Variants in FBXL7 observed in about 807,000 individuals in gnomAD.
The protein encoded by FBXL7 is F-box/LRR-repeat protein 7.
FBXL7 carries 12 observed loss-of-function variants against 38.3 expected under a neutral mutation model. The ratio of observed to expected loss-of-function variants is 0.31; its 90% confidence interval spans 0.20 to 0.51. The LOEUF is 0.51. FBXL7 is among the 20% of genes least tolerant of loss of function. FBXL7 has a pLI of 0.98. For missense variants in FBXL7, 567 were observed against 676.4 expected, an observed-to-expected ratio of 0.84 and a Z score of 1.79; for synonymous variants, 297 against 300.9, an observed-to-expected ratio of 0.99 and a Z score of 0.13.
chr5:15,789,600 T>G (rs983418680), intron 2 of FBXL7, among the ~76,000 whole-genome samples: 1 of 152,196 alleles, frequency 6.6e-6, no homozygotes, highest in South Asian at 2.1e-4. Flanking sequence ...GACTCTACCT[T>G]GAGATCACAG....
intron 2 of FBXL7, among the ~76,000 whole-genome samples, chr5:15,720,996 T>C (rs967886486): frequency 8.5e-5 from 13 of 152,154 alleles, no homozygotes; most frequent in African/African-American, 3.1e-4. Flanking sequence ...CTCTGCACAA[T>C]AGTGATGTTT....
chr5:15,514,696 T>C (rs952069742), intron 1 of FBXL7, among the ~76,000 whole-genome samples: 1 of 152,210 alleles, frequency 6.6e-6, no homozygotes, highest in African/African-American at 2.4e-5. Flanking sequence ...ATAGAGTGGC[T>C]GCCCTACTCG....
At chr5:15,897,330 A>G in intron 2 of FBXL7, among the ~76,000 whole-genome samples, 1 of 152,226 alleles carries the variant, frequency 6.6e-6, no homozygotes, top group East Asian at 1.9e-4. Flanking sequence ...CATTTATTCA[A>G]CAAATACTTA....
At chr5:15,871,395 C>T (rs1221986797) in intron 2 of FBXL7, among the ~76,000 whole-genome samples, 1 of 152,030 alleles carries the variant, frequency 6.6e-6, no homozygotes, top group East Asian at 1.9e-4. Flanking sequence ...GCCTCTTCTC[C>T]TCCAAAAGAT....
chr5:15,535,149 A>G (rs1737543621), intron 1 of FBXL7, among the ~76,000 whole-genome samples: 1 of 152,222 alleles, frequency 6.6e-6, no homozygotes, highest in African/African-American at 2.4e-5. Flanking sequence ...CTCCCAAGGC[A>G]TGCAGAACTG....
intron 2 of FBXL7, among the ~76,000 whole-genome samples, chr5:15,764,799 ATT>A (rs1451116353): frequency 6.6e-6 from 1 of 152,252 alleles, no homozygotes. Context: ...TGCTGGGCAT[ATT>A]GTAAATTATC....
chr5:15,580,593 T>C, intron 1 of FBXL7: 1 of 983,422 alleles, frequency 1.0e-6, no homozygotes. Flanking sequence ...CTTGCACTAT[T>C]TGACTCCTTT....
chr5:15,847,459 G>A (rs1028525117), intron 2 of FBXL7, among the ~76,000 whole-genome samples: 2 of 152,110 alleles, frequency 1.3e-5, no homozygotes, highest in African/African-American at 4.8e-5. Context: ...GACACGTGGG[G>A]ATTATGGGAA....
rs112429925 is a variant in FBXL7, at chr5:15,516,870, T to C, written c.37+16157T>C. Among the ~76,000 whole-genome samples the C allele has an allele frequency of 1.5e-3, 231 of 152,298 alleles. 1 individual carries two copies. The highest frequency in any genetic ancestry group is 5.5e-3 in the African/African-American group (227 of 41,564). On this transcript the variant is annotated intron_variant, in intron 1 of 3. Transcript: ENST00000504595. Reference sequence around the variant, plus strand: ...TTTGCTTCCCCTTCTGCCGTGATTGTGCGTTTCCTGAGGCCTCCCCAGCTA... The same window carrying C: ...TTTGCTTCCCCTTCTGCCGTGATTGCGCGTTTCCTGAGGCCTCCCCAGCTA...
At chr5:15,510,769 C>A (rs1047796364) in intron 1 of FBXL7, among the ~76,000 whole-genome samples, 4 of 152,184 alleles carry the variant, frequency 2.6e-5, no homozygotes, top group African/African-American at 9.7e-5. Flanking sequence ...CATTTTCAAT[C>A]ATTTTAATAA....
chr5:15,555,587 A>C (rs1370434156), intron 1 of FBXL7, among the ~76,000 whole-genome samples: 1 of 151,750 alleles, frequency 6.6e-6, no homozygotes, highest in Non-Finnish European at 1.5e-5. Flanking sequence ...CTGTCACACA[A>C]TTGTGTTCAG....
chr5:15,889,054 AT>A (rs1219671600), intron 2 of FBXL7, among the ~76,000 whole-genome samples: 1 of 152,116 alleles, frequency 6.6e-6, no homozygotes, highest in East Asian at 1.9e-4. Context: ...CACATCATAA[AT>A]AGTCAAGGAA....
At chr5:15,564,959 A>G (rs1170901805) in intron 1 of FBXL7, among the ~76,000 whole-genome samples, 2 of 152,256 alleles carry the variant, frequency 1.3e-5, no homozygotes, top group South Asian at 2.1e-4. Flanking sequence ...AAATGCTACA[A>G]TGTATTTGTG....
intron 2 of FBXL7, among the ~76,000 whole-genome samples, chr5:15,827,135 G>T (rs1738336215): frequency 6.6e-6 from 1 of 152,060 alleles, no homozygotes; most frequent in South Asian, 2.1e-4. Flanking sequence ...ATTTGGAGAT[G>T]CATCACCCTG....
At chr5:15,825,390 A>G (rs905872524) in intron 2 of FBXL7, among the ~76,000 whole-genome samples, 5 of 152,188 alleles carry the variant, frequency 3.3e-5, no homozygotes, top group African/African-American at 4.8e-5. Context: ...AGAAAAAAAA[A>G]ACTTTATATG....
At chr5:15,739,293 G>A (rs565032135) in intron 2 of FBXL7, among the ~76,000 whole-genome samples, 59 of 146,956 alleles carry the variant, frequency 4.0e-4, no homozygotes, top group African/African-American at 1.4e-3. Context: ...TGCCCTTCAC[G>A]TTCCACCCAC....
In FBXL7 at chr5:15,714,781, A is replaced by G. The variant is rs552235659; in HGVS notation, c.127+98709A>G. 2.3e-3 allele frequency among the ~76,000 whole-genome samples: 344 copies of G among 147,006 alleles called. 3 individuals are homozygous for G. Among genetic ancestry groups the G allele is most frequent in the African/African-American group, 8.1e-3 (325 of 40,048 alleles). On this transcript the variant is annotated intron_variant, in intron 2 of 3. Transcript: ENST00000504595. The stretch of plus-strand genomic sequence containing the variant: ...GGAGAATGGCATGAACCTGGGAGGC[A>G]GAGCTTGCAGTGAGCCGAGACCGTG...
At chr5:15,869,658 G>A (rs1317071888) in intron 2 of FBXL7, among the ~76,000 whole-genome samples, 1 of 152,114 alleles carries the variant, frequency 6.6e-6, no homozygotes. Flanking sequence ...TATCCCCAGT[G>A]CCCAGATTAG....
At chr5:15,641,889 C>T (rs1741377127) in intron 2 of FBXL7, among the ~76,000 whole-genome samples, 1 of 150,606 alleles carries the variant, frequency 6.6e-6, no homozygotes, top group South Asian at 2.1e-4. Context: ...TGTTATAATA[C>T]ATTTTATATT....
Sources: allele counts gnomAD v4.1 joint callset (sites outside exome capture counted in the v4.1 genomes callset), GRCh38; gene constraint gnomAD v4.1.1; transcripts MANE v1.5; gene names NCBI Gene and HGNC (gene_info 2026-07-23, HGNC 2026-07-21).